Variants in MAP3K15 observed in about 807,000 individuals in gnomAD.
The protein encoded by MAP3K15 is MAPK/ERK kinase kinase 15.
In MAP3K15, 124 loss-of-function variants were observed where a neutral mutation model predicts 99.5. The observed-to-expected ratio is 1.25, with a 90% CI of 1.08 to 1.45. The LOEUF (loss-of-function observed/expected upper bound fraction) is 1.45. Among genes scored for constraint, MAP3K15 ranks in the 40% most tolerant of loss-of-function variants. MAP3K15 has a pLI of 0.00. For missense variants in MAP3K15, 1,242 were observed against 1,079.7 expected, an observed-to-expected ratio of 1.15 and a Z score of -2.11; for synonymous variants, 494 against 439.6, an observed-to-expected ratio of 1.12 and a Z score of -1.55.
chrX:19,421,516 A>C (rs12808401), intron 9 of MAP3K15, among the ~76,000 whole-genome samples: 1 of 110,920 alleles, frequency 9.0e-6, no homozygotes, highest in Non-Finnish European at 1.9e-5. Flanking sequence ...ACCACTGCTC[A>C]ACGAAATAAA....
chrX:19,426,021 C>G (rs746032297), intron 8 of MAP3K15, among the ~76,000 whole-genome samples: 1 of 111,215 alleles, frequency 9.0e-6, no homozygotes, highest in Non-Finnish European at 1.9e-5. Flanking sequence ...ACTCAGGAGG[C>G]TGAGGCAGGA....
chrX:19,361,493 C>G lies in MAP3K15; in HGVS notation c.3780G>C (p.Lys1260Asn), dbSNP rs781517592. The change falls in exon 27 of 29, where the codon AAG (lysine) becomes AAC (asparagine). Residue 1260 changes from lysine (K) to asparagine (N), a missense_variant and splice_region_variant. Coordinates refer to ENST00000338883, the MANE Select transcript of MAP3K15 (RefSeq NM_001001671.4). The stretch of plus-strand genomic sequence containing the variant: ...AAGAATTTCTTTGTTGTAAATTTAC[C>G]TTTTCAATTGTCTTTGCATCAGCTC... ...LQGADAKTIE[K>N]IVEEGYTLSD... 6.9e-5 allele frequency: 83 copies of G among 1,206,383 alleles called. No homozygotes were observed. In the South Asian group the frequency reaches 1.4e-3, roughly 20 times the overall value.
chrX:19,468,507 A>T (rs766795643), intron 3 of MAP3K15, among the ~76,000 whole-genome samples: 1 of 112,160 alleles, frequency 8.9e-6, no homozygotes, highest in African/African-American at 3.2e-5. Flanking sequence ...TCAGGGAAAC[A>T]GACAGTCAAA....
rs1569205992 is a variant in MAP3K15 at position 19,384,774 on chromosome X, A to AAC, written c.2432-4498_2432-4497insGT. On this transcript the variant is annotated intron_variant, in intron 18 of 28. Transcript: ENST00000338883. Reference sequence around the variant, plus strand: ...GAAAAAAAAAAAAAAAAAAAAAAAAAAAAAAACTGTACATTTTAAAAAACT... The same window carrying AAC: ...GAAAAAAAAAAAAAAAAAAAAAAAAAACAAAAAACTGTACATTTTAAAAAACT... Among the ~76,000 whole-genome samples, 76 of 102,366 alleles carry AAC rather than the reference A, an allele frequency of 7.4e-4. 3 individuals are homozygous for AAC. Among genetic ancestry groups the AAC allele is most frequent in the African/African-American group, 2.9e-3 (74 of 25,923 alleles). The allele number at this position is 102,366 out of a possible 115,157, so 88.9% of individuals were successfully genotyped here.
intron 3 of MAP3K15, among the ~76,000 whole-genome samples, chrX:19,472,911 T>A (rs2064217454): frequency 8.9e-6 from 1 of 111,811 alleles, no homozygotes; most frequent in Non-Finnish European, 1.9e-5. Flanking sequence ...TAATGAGGTG[T>A]GAAAAACTGG....
At chrX:19,460,266 G>T in intron 4 of MAP3K15, 113 bp from the exon 5 acceptor site, 1 of 445,186 alleles carries the variant, frequency 2.2e-6, no homozygotes, top group Non-Finnish European at 3.5e-6. Flanking sequence ...AGGGACCTCG[G>T]CCCAGACCTG....
rs62589378 is a variant in MAP3K15 at position 19,383,828 on chromosome X, G to A, written c.2432-3551C>T. On this transcript the variant is annotated intron_variant, in intron 18 of 28. Transcript: ENST00000338883. Reference sequence around the variant, plus strand: ...TAAAATGGCTGATATCCAAAAGACAGGCAATAACAAATGCGGGCGAGGATG... The same window carrying A: ...TAAAATGGCTGATATCCAAAAGACAAGCAATAACAAATGCGGGCGAGGATG... Among the ~76,000 whole-genome samples, 451 of 111,611 alleles carry A rather than the reference G, an allele frequency of 4.0e-3. 1 individual carries two copies. Among genetic ancestry groups the A allele is most frequent in the Non-Finnish European group, 6.6e-3 (348 of 53,106 alleles).
chrX:19,488,829 T>C lies in MAP3K15; in HGVS notation c.500A>G (p.Lys167Arg). Reference protein sequence around the residue: ...DTDADTALSLKDMVTQKNTAS... With the variant: ...DTDADTALSLRDMVTQKNTAS... ...CAGGAGAAGGTGAATACACTGTACCTTCAAAGAGAGAGCAGTGTCGGCATC... is the reference window on the plus strand; with the variant it reads ...CAGGAGAAGGTGAATACACTGTACCCTCAAAGAGAGAGCAGTGTCGGCATC... Residue 167 changes from lysine (K) to arginine (R), a missense_variant and splice_region_variant, in exon 2 of 29, where the codon AAG becomes AGG. Transcript: ENST00000338883. 8.3e-7 allele frequency: 1 copy of C among 1,198,239 alleles called. No individual in the cohort carries two copies. The highest frequency in any genetic ancestry group is 1.1e-6 in the Non-Finnish European group (1 of 893,748).
chrX:19,424,319 C>CACATATATATACAT (rs1354843069), intron 9 of MAP3K15, among the ~76,000 whole-genome samples: 10 of 103,974 alleles, frequency 9.6e-5, no homozygotes, highest in African/African-American at 3.2e-4. Context: ...CATATATATA[C>CACATATATATACAT]ATATATATAT....
chrX:19,460,840 T>A (rs1288745513), intron 4 of MAP3K15, among the ~76,000 whole-genome samples: 1 of 110,119 alleles, frequency 9.1e-6, no homozygotes, highest in Non-Finnish European at 1.9e-5. Flanking sequence ...AGTGGTGCAA[T>A]CTCAGCTCAC....
Position 19,373,678 on chromosome X carries a change from C to T in MAP3K15, c.2791G>A (p.Val931Ile), listed in dbSNP as rs377079007. 47 of 1,198,033 alleles carry T rather than the reference C, an allele frequency of 3.9e-5. No homozygotes were observed. The highest frequency in any genetic ancestry group is 3.4e-4 in the South Asian group (19 of 55,882). The stretch of plus-strand genomic sequence containing the variant: ...TCTCCCTGTGTGGGCAGGGCCAGGA[C>T]GACACCGCGGGGACCTTCTGTAGGG... ...FKPSEGPRGV[V>I]LALPTQGEPM... The change falls in exon 21 of 29, where the codon GTC (valine) becomes ATC (isoleucine). Residue 931 changes from valine (V) to isoleucine (I), a missense_variant. Coordinates refer to ENST00000338883, the MANE Select transcript of MAP3K15 (RefSeq NM_001001671.4).
rs113469673 is a variant in MAP3K15 at position 19,408,428 on chromosome X, G to A, written c.1749-1145C>T. Reference sequence around the variant, plus strand: ...AGCATTTTGGGAGGCTGACGCGGGCGGATCACTTGAGGTCAGGAGTTCGAG... The same window carrying A: ...AGCATTTTGGGAGGCTGACGCGGGCAGATCACTTGAGGTCAGGAGTTCGAG... On this transcript the variant is annotated intron_variant, in intron 12 of 28. Coordinates refer to ENST00000338883, the MANE Select transcript of MAP3K15 (RefSeq NM_001001671.4). The A allele has an allele frequency of 3.5e-3, 420 of 118,810 alleles. 3 individuals carry two copies. The highest frequency in any genetic ancestry group is 0.021 in the South Asian group (92 of 4,400). 9.8% of individuals were successfully genotyped at this position (118,810 alleles called of 1,213,427 possible).
intron 22 of MAP3K15, 34 bp downstream of exon 22, chrX:19,372,619 C>A (rs150271993): frequency 1.7e-6 from 2 of 1,172,317 alleles, no homozygotes; most frequent in South Asian, 1.9e-5. Flanking sequence ...GCAGAGGGAG[C>A]GGGAAGAGTC....
At chrX:19,448,105 G>A (rs1470626563) in intron 6 of MAP3K15, among the ~76,000 whole-genome samples, 1 of 106,623 alleles carries the variant, frequency 9.4e-6, no homozygotes, top group African/African-American at 3.3e-5. Context: ...TCCTCAGGCA[G>A]CGGGCGAGAA....
At chrX:19,443,018 C>G (rs1366637887) in intron 6 of MAP3K15, among the ~76,000 whole-genome samples, 2 of 63,004 alleles carry the variant, frequency 3.2e-5, no homozygotes, top group Non-Finnish European at 5.7e-5. Context: ...GCCACCATGC[C>G]CGGCTTTTTT....
At chrX:19,394,991 G>T (rs2063557813) in intron 16 of MAP3K15, 90 bp downstream of exon 16, 1 of 1,067,276 alleles carries the variant, frequency 9.4e-7, no homozygotes, top group Non-Finnish European at 1.3e-6. Context: ...TGGCTTAGGG[G>T]TCTGTCATTT....
chrX:19,373,307 G>C, intron 21 of MAP3K15: 2 of 401,622 alleles, frequency 5.0e-6, no homozygotes, highest in Non-Finnish European at 8.6e-6. Flanking sequence ...GAGGAGAGGT[G>C]GGGGAGGGCA....
intron 6 of MAP3K15, 58 bp downstream of exon 6, chrX:19,456,855 G>A (rs2147352043): frequency 1.1e-6 from 1 of 883,392 alleles, no homozygotes; most frequent in East Asian, 3.3e-5. Flanking sequence ...ATGAAAGAAG[G>A]AAGCACAATT....
intron 13 of MAP3K15, among the ~76,000 whole-genome samples, chrX:19,400,893 A>G (rs1310053513): frequency 9.0e-6 from 1 of 111,718 alleles, no homozygotes. Context: ...CAACTGGTTG[A>G]CCAATTGATG....
Sources: gnomAD v4.1 joint callset for allele counts (sites outside exome capture counted in the v4.1 genomes callset) on GRCh38, gnomAD v4.1.1 for gene constraint, MANE v1.5 for transcripts, NCBI Gene and HGNC (gene_info 2026-07-23, HGNC 2026-07-21) for gene names.